KCNH5: variants seen among roughly 807,000 people sequenced by gnomAD.
KCNH5 encodes potassium voltage-gated channel subfamily H member 5, also known as voltage-gated delayed rectifier potassium channel KCNH5.
In KCNH5, 46 loss-of-function variants were observed where a neutral mutation model predicts 96.1. That is an observed-to-expected ratio of 0.48 (90% CI 0.38 to 0.61). The LOEUF is 0.61. Ranked by LOEUF, KCNH5 falls within the 20% of genes least tolerant of loss-of-function variation. KCNH5 has a pLI of 0.00. For synonymous variants in KCNH5, 439 were observed against 449.8 expected (o/e 0.98, Z 0.30); for missense variants, 907 against 1,225.8 (o/e 0.74, Z 3.88).
intron 10 of KCNH5, among the ~76,000 whole-genome samples, chr14:62,745,948 C>A (rs1053196321): frequency 6.6e-6 from 1 of 152,182 alleles, no homozygotes; most frequent in Non-Finnish European, 1.5e-5. Flanking sequence ...AGCCCTACAG[C>A]TTCCTAAAGG....
chr14:62,953,224 A>G (rs1054537307), intron 6 of KCNH5, among the ~76,000 whole-genome samples: 1 of 152,020 alleles, frequency 6.6e-6, no homozygotes, highest in African/African-American at 2.4e-5. Flanking sequence ...TCTCTCTGCC[A>G]TAGGTTCTAT....
At chr14:62,962,762 A>C (rs1457000677) in intron 6 of KCNH5, among the ~76,000 whole-genome samples, 1 of 152,196 alleles carries the variant, frequency 6.6e-6, no homozygotes, top group Non-Finnish European at 1.5e-5. Flanking sequence ...AAAGCACTAA[A>C]GTCTCCTATA....
At chr14:62,768,850 C>T (rs1885922391) in intron 10 of KCNH5, among the ~76,000 whole-genome samples, 2 of 152,198 alleles carry the variant, frequency 1.3e-5, no homozygotes, top group African/African-American at 2.4e-5. Context: ...TGAATAACTG[C>T]TTTGGAGGCA....
chr14:62,759,232 T>A (rs1487518065), intron 10 of KCNH5, among the ~76,000 whole-genome samples: 1 of 100,356 alleles, frequency 1.0e-5, no homozygotes, highest in Admixed American at 1.0e-4. Context: ...TTCATCAAAA[T>A]TAGTCAGCTG....
rs764084225 is a variant in KCNH5, at chr14:62,799,947, GAGA to G, written c.1822+2379_1822+2381del. The stretch of plus-strand genomic sequence containing the variant: ...ATTTCAAAATTAAACTATCAAAAAT[GAGA>G]AGAAGAAGAGGAGGAGAAAGAAAAG... On this transcript the variant is annotated intron_variant, in intron 9 of 10. Coordinates refer to ENST00000322893, the MANE Select transcript of KCNH5 (RefSeq NM_139318.5). Among the ~76,000 whole-genome samples, 527 of 148,594 alleles carry G rather than the reference GAGA, an allele frequency of 3.5e-3. 4 individuals are homozygous for G. The highest frequency in any genetic ancestry group is 5.2e-3 in the Non-Finnish European group (353 of 67,352).
At chr14:62,953,127 T>C (rs1279303125) in intron 6 of KCNH5, among the ~76,000 whole-genome samples, 1 of 151,450 alleles carries the variant, frequency 6.6e-6, no homozygotes, top group African/African-American at 2.4e-5. Context: ...TAACAAAATA[T>C]TAGTAAATAT....
chr14:62,884,919 A>G (rs1263860276), intron 7 of KCNH5, among the ~76,000 whole-genome samples: 1 of 152,252 alleles, frequency 6.6e-6, no homozygotes, highest in Non-Finnish European at 1.5e-5. Flanking sequence ...AATGCTTTAA[A>G]TACAACATAG....
chr14:62,779,741 T>C lies in KCNH5; in HGVS notation c.2006A>G (p.Asn669Ser). Residue 669 changes from asparagine to serine, a missense_variant, in exon 10 of 11, where the codon AAT becomes AGT. Around this residue, in one of 6 missense-constraint regions of KCNH5, gnomAD observed 362 missense variants for 394.4 expected, o/e 0.92. Coordinates refer to ENST00000322893, the MANE Select transcript of KCNH5 (RefSeq NM_139318.5). The stretch of plus-strand genomic sequence containing the variant: ...CAGAGAACATACCCGTTTCCTCAGA[T>C]TGCAAGTAAGAGTGAGATTCCTTGA... ...SFSRNLTLTCNLRKRIIFRKI... is the reference protein window; with the variant it reads ...SFSRNLTLTCSLRKRIIFRKI... 3 of 1,613,302 alleles carry C rather than the reference T, an allele frequency of 1.9e-6. No homozygotes were observed. Among genetic ancestry groups the C allele is most frequent in the Non-Finnish European group, 2.5e-6 (3 of 1,179,558 alleles).
chr14:63,000,810 A>G (rs10142341), intron 4 of KCNH5, among the ~76,000 whole-genome samples: 7,181 of 152,288 alleles, frequency 0.047, 197 homozygotes, highest in East Asian at 0.062. Context: ...TGTATGGCCC[A>G]CGTCTGTAAT....
intron 7 of KCNH5, among the ~76,000 whole-genome samples, chr14:62,890,678 G>C (rs1051974426): frequency 7.3e-6 from 1 of 136,840 alleles, no homozygotes; most frequent in African/African-American, 2.8e-5. Flanking sequence ...CAGCCTGGGG[G>C]ACAGAGCGAG....
At chr14:62,877,292 T>C (rs1478263051) in intron 7 of KCNH5, among the ~76,000 whole-genome samples, 1 of 151,572 alleles carries the variant, frequency 6.6e-6, no homozygotes, top group East Asian at 1.9e-4. Flanking sequence ...GGGCAAGGAC[T>C]TCATGTCTAA....
intron 1 of KCNH5, among the ~76,000 whole-genome samples, chr14:63,040,682 T>C (rs1287362607): frequency 6.6e-6 from 1 of 152,130 alleles, no homozygotes; most frequent in Admixed American, 6.5e-5. Flanking sequence ...GTAAAAGTTA[T>C]TATTCCTTTT....
chr14:62,899,597 C>T (rs527971366), intron 7 of KCNH5, among the ~76,000 whole-genome samples: 126 of 151,928 alleles, frequency 8.3e-4, no homozygotes, highest in Admixed American at 2.2e-3. Context: ...TTTGGGAGGC[C>T]GAGGCGGGCG....
intron 7 of KCNH5, among the ~76,000 whole-genome samples, chr14:62,883,746 G>C (rs931913710): frequency 6.6e-6 from 1 of 151,760 alleles, no homozygotes; most frequent in African/African-American, 2.4e-5. Context: ...TTCCACCACA[G>C]ATATGTAGTA....
intron 7 of KCNH5, among the ~76,000 whole-genome samples, chr14:62,894,350 G>A (rs1324342993): frequency 1.3e-5 from 2 of 152,126 alleles, no homozygotes; most frequent in South Asian, 2.1e-4. Flanking sequence ...CCTATGGACC[G>A]GAAACTGTAG....
At chr14:63,038,576 C>G (rs1891766691) in intron 1 of KCNH5, among the ~76,000 whole-genome samples, 2 of 152,058 alleles carry the variant, frequency 1.3e-5, no homozygotes, top group Non-Finnish European at 2.9e-5. Flanking sequence ...TTACTGTGCT[C>G]ATTAATTTTC....
chr14:62,738,113 A>G (rs761242283), intron 10 of KCNH5, among the ~76,000 whole-genome samples: 1 of 152,156 alleles, frequency 6.6e-6, no homozygotes, highest in African/African-American at 2.4e-5. Context: ...TTTGAACACA[A>G]GCACTGTGAT....
chr14:62,930,921 C>A (rs1457858070), intron 7 of KCNH5, among the ~76,000 whole-genome samples: 1 of 152,052 alleles, frequency 6.6e-6, no homozygotes, highest in Non-Finnish European at 1.5e-5. Context: ...AAAGTATTAA[C>A]CCTATGTGAA....
At chr14:62,958,391 A>G (rs1890146011) in intron 6 of KCNH5, among the ~76,000 whole-genome samples, 1 of 152,154 alleles carries the variant, frequency 6.6e-6, no homozygotes, top group South Asian at 2.1e-4. Context: ...TCACCAATCC[A>G]TCTCCAACAA....
Sources: gnomAD v4.1 joint callset for allele counts (sites outside exome capture counted in the v4.1 genomes callset) on GRCh38, gnomAD v4.1.1 for gene constraint, gnomAD v4.1.1 regional missense constraint, MANE v1.5 for transcripts, NCBI Gene and HGNC (gene_info 2026-07-23, HGNC 2026-07-21) for gene names.